The following IQCM variants were observed in gnomAD, a reference collection of about 807,000 sequenced individuals.
IQCM encodes the protein IQ motif containing M.
Under a neutral mutation model 57.6 loss-of-function variants are expected in IQCM, and 45 were observed. The ratio of observed to expected loss-of-function variants is 0.78; its 90% CI spans 0.62 to 1.00. The LOEUF is 1.00. IQCM is among the 50% of genes least tolerant of loss of function. IQCM has a pLI of 0.00. For missense variants in IQCM, 468 were observed against 511.6 expected (o/e 0.91, Z 0.82); for synonymous variants, 148 against 158.9 (o/e 0.93, Z 0.51).
chr4:149,541,420 A>C (rs1747836391), intron 12 of IQCM, among the ~76,000 whole-genome samples: 1 of 152,108 alleles, frequency 6.6e-6, no homozygotes, highest in Non-Finnish European at 1.5e-5. Context: ...TGATTATCTT[A>C]ATTGCAGAAA....
intron 7 of IQCM, among the ~76,000 whole-genome samples, chr4:149,677,721 T>G (rs1451263938): frequency 2.6e-5 from 4 of 151,938 alleles, no homozygotes; most frequent in Non-Finnish European, 5.9e-5. Flanking sequence ...CAGCAATTGG[T>G]GAGCTCTTCG....
intron 12 of IQCM, among the ~76,000 whole-genome samples, chr4:149,476,698 T>G (rs140874724): frequency 1.3e-5 from 2 of 152,244 alleles, no homozygotes; most frequent in South Asian, 2.1e-4. Context: ...TCAGACTAGA[T>G]TTAGTCTAAG....
intron 13 of IQCM, among the ~76,000 whole-genome samples, chr4:149,368,257 T>A (rs36043443): frequency 0.28 from 42,840 of 151,896 alleles, 6,188 homozygotes; most frequent in Middle Eastern, 0.33. Flanking sequence ...GTTGAATTTT[T>A]TCAATTACTT....
At chr4:149,499,798 T>G (rs141284173) in intron 12 of IQCM, among the ~76,000 whole-genome samples, 7 of 152,252 alleles carry the variant, frequency 4.6e-5, no homozygotes, top group Non-Finnish European at 8.8e-5. Flanking sequence ...AAAGGAAACA[T>G]AGACTGACTA....
At chr4:149,517,643 C>T (rs1392042197) in intron 12 of IQCM, among the ~76,000 whole-genome samples, 1 of 151,972 alleles carries the variant, frequency 6.6e-6, no homozygotes, top group Non-Finnish European at 1.5e-5. Context: ...GAAGGTATTG[C>T]CAAAGGAGAT....
chr4:149,686,611 T>C, intron 5 of IQCM, 143 bp from the exon 6 acceptor site: 1 of 392,202 alleles, frequency 2.5e-6, no homozygotes, highest in Non-Finnish European at 4.5e-6. Flanking sequence ...ATACTAAAAA[T>C]CACAGCTGAG....
intron 10 of IQCM, among the ~76,000 whole-genome samples, chr4:149,558,348 A>G (rs1749783418): frequency 6.6e-6 from 1 of 152,182 alleles, no homozygotes; most frequent in African/African-American, 2.4e-5. Flanking sequence ...CTCAAATTTC[A>G]AATCCCTCCT....
At chr4:149,378,670 A>C (rs1307787299) in intron 13 of IQCM, among the ~76,000 whole-genome samples, 2 of 152,204 alleles carry the variant, frequency 1.3e-5, no homozygotes, top group Non-Finnish European at 2.9e-5. Context: ...ATTCAGTTTT[A>C]TAAGGGAAGC....
chr4:149,808,660 C>T, intron 2 of IQCM, among the ~76,000 whole-genome samples: 1 of 151,906 alleles, frequency 6.6e-6, no homozygotes, highest in African/African-American at 2.4e-5. Context: ...CACATGTATC[C>T]CCAAAATATG....
At chr4:149,499,356 GTTTA>G (rs1250063972) in intron 12 of IQCM, among the ~76,000 whole-genome samples, 2 of 152,056 alleles carry the variant, frequency 1.3e-5, no homozygotes, top group Admixed American at 1.3e-4. Flanking sequence ...ATTTTATTTA[GTTTA>G]TTTAATTTTC....
intron 2 of IQCM, among the ~76,000 whole-genome samples, chr4:149,751,951 T>A (rs1458512806): frequency 2.0e-5 from 3 of 152,126 alleles, no homozygotes; most frequent in African/African-American, 4.8e-5. Context: ...GGACATGATA[T>A]GCATGGAAGG....
chr4:149,717,401 A>T (rs1352381543), intron 5 of IQCM, among the ~76,000 whole-genome samples: 1 of 152,196 alleles, frequency 6.6e-6, no homozygotes, highest in Non-Finnish European at 1.5e-5. Context: ...ACCAGAGGAC[A>T]CAGAATTATT....
intron 12 of IQCM, among the ~76,000 whole-genome samples, chr4:149,540,251 C>T (rs1376207910): frequency 6.7e-6 from 1 of 149,556 alleles, no homozygotes; most frequent in Admixed American, 6.8e-5. Context: ...ATGTTTAGAA[C>T]TACGAGACAC....
At chr4:149,400,103 A>G (rs1732509755) in intron 13 of IQCM, among the ~76,000 whole-genome samples, 2 of 151,804 alleles carry the variant, frequency 1.3e-5, no homozygotes, top group South Asian at 4.2e-4. Context: ...CTACTACTCA[A>G]TTCTCTGGCC....
At position 149,361,531 on chromosome 4, in the gene IQCM, C is replaced by T. The variant is rs1177683246; in HGVS notation, c.1391-9465G>A. 4.6e-5 allele frequency among the ~76,000 whole-genome samples: 7 copies of T among 152,242 alleles called. No individual in the cohort carries two copies. In the South Asian group the frequency reaches 1.5e-3, roughly 32 times the overall value. ...TGTGCAGCCTAGGAACTTAATGTCC[C>T]AGCCATTCCAGCTGTGGCTGAAAGG... On this transcript the variant is annotated intron_variant, in intron 13 of 13. Coordinates refer to ENST00000636793, the MANE Select transcript of IQCM (RefSeq NM_001363507.2).
chr4:149,722,011 T>C (rs1004283470), intron 5 of IQCM, among the ~76,000 whole-genome samples: 8 of 152,112 alleles, frequency 5.3e-5, no homozygotes, highest in Non-Finnish European at 1.2e-4. Context: ...TGGTACCTCA[T>C]TGTGGTTTTA....
intron 13 of IQCM, among the ~76,000 whole-genome samples, chr4:149,361,617 C>T (rs1729493544): frequency 6.6e-6 from 1 of 152,166 alleles, no homozygotes; most frequent in African/African-American, 2.4e-5. Flanking sequence ...GTGGCAACTT[C>T]CACATGGTGT....
intron 12 of IQCM, among the ~76,000 whole-genome samples, chr4:149,508,081 A>T (rs10035022): frequency 2.0e-5 from 3 of 151,418 alleles, no homozygotes; most frequent in Non-Finnish European, 2.9e-5. Flanking sequence ...TGAAGAATTG[A>T]GGTTTGGGAA....
At position 149,767,891 on chromosome 4, in the gene IQCM, GA is replaced by G. The variant is rs1161483795; in HGVS notation, c.-48-25153del. Among the ~76,000 whole-genome samples the G allele has an allele frequency of 2.0e-5, 3 of 152,144 alleles. No individual in the cohort carries two copies. In the East Asian group the frequency reaches 5.8e-4, roughly 29 times the overall value. On this transcript the variant is annotated intron_variant, in intron 2 of 13. Transcript: ENST00000636793. Reference sequence around the variant, plus strand: ...AGGAACTATAGACACATTTTTAAGTGATAACATAAAATGGACTTTTATAAAT... The same window carrying G: ...AGGAACTATAGACACATTTTTAAGTGTAACATAAAATGGACTTTTATAAAT...
Sources: allele counts gnomAD v4.1 joint callset (sites outside exome capture counted in the v4.1 genomes callset), GRCh38; gene constraint gnomAD v4.1.1; transcripts MANE v1.5; gene names NCBI Gene and HGNC (gene_info 2026-07-23, HGNC 2026-07-21).